The following TP73 variants were observed in gnomAD, a reference collection of about 807,000 sequenced individuals.
TP73 encodes the protein tumor protein p73.
Under a neutral mutation model 62.5 loss-of-function variants are expected in TP73, and 25 were observed. That is an observed-to-expected ratio of 0.40 (90% CI 0.29 to 0.56). TP73 has a LOEUF of 0.56. TP73 is among the 20% of genes least tolerant of loss of function. The probability of loss-of-function intolerance (pLI) is 0.46; values close to 1 mark genes in which losing one functional copy is unlikely to be tolerated. For synonymous variants in TP73, 423 were observed against 377.5 expected, an observed-to-expected ratio of 1.12 and a Z score of -1.40; for missense variants, 754 against 913.3, an observed-to-expected ratio of 0.83 and a Z score of 2.25.
intron 8 of TP73, 38 bp downstream of exon 8, chr1:3,727,808 G>A (rs747256319): frequency 5.2e-5 from 78 of 1,495,246 alleles, no homozygotes; most frequent in Non-Finnish European, 6.6e-5. Context: ...GCGTGTGGGA[G>A]GAGAAGGGGA....
chr1:3,669,953 G>A (rs1454475193), intron 1 of TP73, among the ~76,000 whole-genome samples: 1 of 152,224 alleles, frequency 6.6e-6, no homozygotes, highest in Non-Finnish European at 1.5e-5. Flanking sequence ...TGTTGCTAGA[G>A]GTGAGAGGGT....
At position 3,701,740 on chromosome 1, in the gene TP73, C is replaced by T. The variant is rs1639187488; in HGVS notation, c.187-5809C>T. 6.6e-6 allele frequency among the ~76,000 whole-genome samples: 1 copy of T among 152,182 alleles called. No individual in the cohort carries two copies. Among genetic ancestry groups the T allele is most frequent in the African/African-American group, 2.4e-5 (1 of 41,424 alleles). On this transcript the variant is annotated intron_variant, in intron 3 of 13. Transcript: ENST00000378295. This position sits in a 1 kb window ranked among gnomAD's most constrained non-coding sequence, Gnocchi z 4.7. ...GCTAGGCCAGTCTTGAACTCCGGAC[C>T]TCAGGTGATCCGCCTGCCTCGTCCT...
chr1:3,715,260 C>A (rs1640495980), intron 4 of TP73, among the ~76,000 whole-genome samples: 1 of 152,172 alleles, frequency 6.6e-6, no homozygotes, highest in African/African-American at 2.4e-5. Flanking sequence ...CCACCTGACA[C>A]CTCTGTAGTA....
chr1:3,729,104 G>A (rs557552550), intron 9 of TP73, among the ~76,000 whole-genome samples: 44 of 152,332 alleles, frequency 2.9e-4, no homozygotes, highest in African/African-American at 1.0e-3. Flanking sequence ...GAGCAGGCAT[G>A]GTTCTTGGGG....
intron 4 of TP73, among the ~76,000 whole-genome samples, chr1:3,712,787 C>T (rs1010438536): frequency 6.6e-6 from 1 of 152,162 alleles, no homozygotes; most frequent in Admixed American, 6.5e-5. Context: ...ACTGAGGCTC[C>T]CAGAGGGCAC....
At chr1:3,677,532 G>A (rs1426719701) in intron 1 of TP73, among the ~76,000 whole-genome samples, 2 of 152,152 alleles carry the variant, frequency 1.3e-5, no homozygotes, top group Middle Eastern at 3.2e-3. Flanking sequence ...GCCCTGACTT[G>A]ATGGTGCCAG....
At position 3,702,243 on chromosome 1, in the gene TP73, G is replaced by A. The variant is rs192243565; in HGVS notation, c.187-5306G>A. Among the ~76,000 whole-genome samples, 146 of 152,282 alleles carry A rather than the reference G, an allele frequency of 9.6e-4. 1 individual carries two copies. The highest frequency in any genetic ancestry group is 3.3e-3 in the African/African-American group (138 of 41,560). ...CACTGCTCCTCTCTGCTCTCAGACA[G>A]GCAGGCCAGGGGGCAGGCGGGACCC... is the stretch of plus-strand genomic sequence containing the variant. On this transcript the variant is annotated intron_variant, in intron 3 of 13. Transcript: ENST00000378295.
At chr1:3,654,680 G>C (rs1212892697) in intron 1 of TP73, among the ~76,000 whole-genome samples, 1 of 152,216 alleles carries the variant, frequency 6.6e-6, no homozygotes, top group Non-Finnish European at 1.5e-5. Context: ...AGAGCTGGGA[G>C]AGCCAGGAGC....
chr1:3,732,522 T>A (rs756379467), intron 13 of TP73, among the ~76,000 whole-genome samples: 1 of 150,116 alleles, frequency 6.7e-6, no homozygotes, highest in African/African-American at 2.4e-5. Flanking sequence ...CAGGGCCAGG[T>A]AGATGCTCAG....
At chr1:3,703,568 TCTC>T (rs1450491926) in intron 3 of TP73, among the ~76,000 whole-genome samples, 27 of 152,366 alleles carry the variant, frequency 1.8e-4, no homozygotes, top group Admixed American at 7.8e-4. Flanking sequence ...TATCAGCTCT[TCTC>T]CTCTTGCCTC....
intron 3 of TP73, among the ~76,000 whole-genome samples, chr1:3,704,217 A>G (rs1639441314): frequency 1.3e-5 from 2 of 152,200 alleles, no homozygotes; most frequent in African/African-American, 4.8e-5. Flanking sequence ...AAAAAGGTGG[A>G]AAGGAGCTGG....
rs577409336 is a variant in TP73, at chr1:3,696,902, C to T, written c.187-10647C>T. Among the ~76,000 whole-genome samples, 1 of 152,304 alleles carries T rather than the reference C, an allele frequency of 6.6e-6. No individual in the cohort carries two copies. The highest frequency in any genetic ancestry group is 1.9e-4 in the East Asian group (1 of 5,176). On this transcript the variant is annotated intron_variant, in intron 3 of 13. Transcript: ENST00000378295. The surrounding 1 kb of genome is among the most constrained non-coding windows in gnomAD (Gnocchi z 4.1). Reference sequence around the variant, plus strand: ...CGCCCGCCTCCGGCCCCCCTGCCACCCTCGGCCAGCTGCTATTTCTGTCTC... The same window carrying T: ...CGCCCGCCTCCGGCCCCCCTGCCACTCTCGGCCAGCTGCTATTTCTGTCTC...
chr1:3,690,871 G>A, intron 3 of TP73: 16 of 1,563,450 alleles, frequency 1.0e-5, no homozygotes, highest in Non-Finnish European at 1.2e-5. Flanking sequence ...CGGGACACCA[G>A]TTCCCTGGCG....
chr1:3,718,920 C>T (rs905723382), intron 4 of TP73, among the ~76,000 whole-genome samples: 8 of 152,200 alleles, frequency 5.3e-5, no homozygotes, highest in Admixed American at 2.6e-4. Context: ...ATAACGAGGG[C>T]GCAGTAGCCA....
intron 1 of TP73, among the ~76,000 whole-genome samples, chr1:3,673,703 T>C (rs1012433833): frequency 2.0e-5 from 3 of 152,208 alleles, no homozygotes; most frequent in African/African-American, 4.8e-5. Flanking sequence ...TGTCTTGGTA[T>C]GACCCAAACA....
At chr1:3,659,829 A>ACGTCCAG (rs57149403) in intron 1 of TP73, among the ~76,000 whole-genome samples, 27,725 of 151,824 alleles carry the variant, frequency 0.18, 2,614 homozygotes, top group Admixed American at 0.24. Flanking sequence ...ATGCACCACC[A>ACGTCCAG]CTAATTTTTG....
At chr1:3,687,282 A>G (rs540275974) in intron 3 of TP73, among the ~76,000 whole-genome samples, 16 of 152,250 alleles carry the variant, frequency 1.1e-4, no homozygotes, top group African/African-American at 3.9e-4. Context: ...CTGCCCTCTC[A>G]GGACCCTGGC....
chr1:3,682,564 C>T (rs1645550830), intron 2 of TP73, 134 bp downstream of exon 2: 1 of 869,372 alleles, frequency 1.2e-6, no homozygotes, highest in African/African-American at 1.7e-5. Context: ...TAGCCCCAGC[C>T]ACCCTCACTG....
At chr1:3,705,782 G>A (rs780878842) in intron 3 of TP73, among the ~76,000 whole-genome samples, 1 of 152,240 alleles carries the variant, frequency 6.6e-6, no homozygotes, top group Admixed American at 6.5e-5. Context: ...CAGAGAGGAC[G>A]CAAACTCTGG....
Sources: gnomAD v4.1 joint callset for allele counts (sites outside exome capture counted in the v4.1 genomes callset) on GRCh38, gnomAD v4.1.1 for gene constraint, Gnocchi (gnomAD v3.1) non-coding constraint, MANE v1.5 for transcripts, NCBI Gene and HGNC (gene_info 2026-07-23, HGNC 2026-07-21) for gene names.